Variants in MORC1 observed in about 807,000 individuals in gnomAD.
MORC1 encodes MORC family CW-type zinc finger protein 1.
In MORC1, 59 loss-of-function variants were observed where a neutral mutation model predicts 134.9. The ratio of observed to expected loss-of-function variants is 0.44; its 90% confidence interval spans 0.35 to 0.54. The LOEUF (loss-of-function observed/expected upper bound fraction) is 0.54. Ranked by LOEUF, MORC1 falls within the 20% of genes least tolerant of loss-of-function variation. The pLI, the probability that MORC1 is intolerant of heterozygous loss-of-function variation, is 0.00. For synonymous variants in MORC1, 395 were observed against 391.7 expected (o/e 1.01, Z -0.10); for missense variants, 947 against 1,134.5 (o/e 0.83, Z 2.37).
At chr3:109,115,881 A>G (rs1372134326) in intron 1 of MORC1, among the ~76,000 whole-genome samples, 1 of 152,216 alleles carries the variant, frequency 6.6e-6, no homozygotes, top group African/African-American at 2.4e-5. Flanking sequence ...GATGGGAAAG[A>G]GTAACTGGTG....
chr3:109,006,727 T>C (rs543499403), intron 18 of MORC1, among the ~76,000 whole-genome samples: 6 of 152,046 alleles, frequency 3.9e-5, no homozygotes, highest in East Asian at 1.9e-4. Flanking sequence ...TTCACATCCA[T>C]AGACAAAAAA....
intron 14 of MORC1, among the ~76,000 whole-genome samples, chr3:109,045,197 G>T (rs1949665025): frequency 6.6e-6 from 1 of 152,094 alleles, no homozygotes; most frequent in African/African-American, 2.4e-5. Flanking sequence ...ACTTTCAGGT[G>T]GTTCTGCATC....
In MORC1 at chr3:108,979,581, G is replaced by C. The variant is rs762537920; in HGVS notation, c.2411C>G (p.Ser804Cys). The change falls in exon 24 of 28, where the codon TCT (serine) becomes TGT (cysteine). Residue 804 changes from serine to cysteine, a missense_variant. Transcript: ENST00000232603. ...VSVSGSCKVASSPASSQSTPV... is the reference protein window; with the variant it reads ...VSVSGSCKVACSPASSQSTPV... ...TGTGCTTTGAGAAGACGCTGGCGAA[G>C]AAGCAACTTTACAACTGCCACTCAC... 5 of 1,614,066 alleles carry C rather than the reference G, an allele frequency of 3.1e-6. No homozygotes were observed. In the Admixed American group the frequency reaches 8.3e-5, roughly 27 times the overall value.
chr3:109,021,634 G>A (rs554918427), intron 17 of MORC1, among the ~76,000 whole-genome samples: 17 of 152,210 alleles, frequency 1.1e-4, no homozygotes, highest in Non-Finnish European at 2.4e-4. Flanking sequence ...GAAGCCAGGA[G>A]CTGAGAATAT....
In MORC1 at chr3:109,040,468, GAAA is replaced by G. The variant is rs1559912731; in HGVS notation, c.1331-5003_1331-5001del. On this transcript the variant is annotated intron_variant, in intron 14 of 27. Coordinates refer to ENST00000232603, the MANE Select transcript of MORC1 (RefSeq NM_014429.4). The stretch of plus-strand genomic sequence containing the variant: ...AGAAAGAAAGAAAGAAAGAAAGAAA[GAAA>G]GAAAGAAAGAAAGAAAGGAAAGAAA... Among the ~76,000 whole-genome samples the G allele has an allele frequency of 1.1e-4, 16 of 143,728 alleles. 2 individuals carry two copies. Among genetic ancestry groups the G allele is most frequent in the African/African-American group, 3.9e-4 (15 of 38,730 alleles). 94.3% of individuals were successfully genotyped at this position (143,728 alleles called of 152,430 possible).
chr3:108,991,414 G>A (rs928206161), intron 21 of MORC1, among the ~76,000 whole-genome samples: 9 of 152,128 alleles, frequency 5.9e-5, no homozygotes, highest in African/African-American at 2.2e-4. Flanking sequence ...TGAGAAAGGA[G>A]GAGAGAAATT....
intron 17 of MORC1, among the ~76,000 whole-genome samples, chr3:109,018,047 C>T (rs1477893501): frequency 6.6e-6 from 1 of 152,110 alleles, no homozygotes; most frequent in Non-Finnish European, 1.5e-5. Context: ...TTCCAAAGCA[C>T]CAGACCAAGA....
At chr3:108,981,076 C>T (rs1947704614) in intron 23 of MORC1, among the ~76,000 whole-genome samples, 1 of 151,954 alleles carries the variant, frequency 6.6e-6, no homozygotes, top group Non-Finnish European at 1.5e-5. Flanking sequence ...GTTGATGAGA[C>T]TAAAGCTTTC....
At position 109,032,776 on chromosome 3, in the gene MORC1, T is replaced by C; in HGVS notation, c.1509A>G (p.Glu503=). 6.2e-7 allele frequency: 1 copy of C among 1,609,216 alleles called. No individual in the cohort carries two copies. Among genetic ancestry groups the C allele is most frequent in the Non-Finnish European group, 8.5e-7 (1 of 1,176,994 alleles). ...RVLPSSTNYQ[E]KEFFDIWICA... ...AAATCCAAATGTCAAAAAATTCTTTTTCCTGATAATTAGTAGAGGAAGGCA... is the reference window on the plus strand; with the variant it reads ...AAATCCAAATGTCAAAAAATTCTTTCTCCTGATAATTAGTAGAGGAAGGCA... The change falls in exon 16 of 28, where the codon GAA becomes GAG. Residue 503 remains glutamate (E), a synonymous_variant. Transcript: ENST00000232603.
rs80008852 is a variant in MORC1 at position 109,035,549 on chromosome 3, T to C, written c.1331-81A>G. The C allele has an allele frequency of 8.2e-3, 6,800 of 831,544 alleles. 312 individuals are homozygous for C. In the African/African-American group the frequency reaches 0.1, roughly 13 times the overall value. The allele number at this position is 831,544 out of a possible 1,614,324, so 51.5% of individuals were successfully genotyped here. A position where few individuals can be genotyped will look rare whatever the true frequency, so the allele number is the denominator to read the frequency against. The stretch of plus-strand genomic sequence containing the variant: ...CAATTGGCAAAGGGAAGTTTGTATA[T>C]ACAATATGATCTCAACTGTGTAAGT... On this transcript the variant is annotated intron_variant, in intron 14 of 27. Coordinates refer to ENST00000232603, the MANE Select transcript of MORC1 (RefSeq NM_014429.4).
chr3:109,027,237 G>A (rs13322246), intron 17 of MORC1, among the ~76,000 whole-genome samples: 38,246 of 152,058 alleles, frequency 0.25, 5,028 homozygotes, highest in Middle Eastern at 0.43. Flanking sequence ...TCTTACACTC[G>A]AAATTGTCAT....
At chr3:108,980,304 G>C (rs1947677157) in intron 23 of MORC1, among the ~76,000 whole-genome samples, 1 of 152,104 alleles carries the variant, frequency 6.6e-6, no homozygotes, top group Admixed American at 6.6e-5. Flanking sequence ...ACTGCCTCCA[G>C]AGGTAACAGT....
intron 3 of MORC1, among the ~76,000 whole-genome samples, chr3:109,107,351 A>T (rs746558165): frequency 2.0e-5 from 3 of 152,100 alleles, no homozygotes; most frequent in Non-Finnish European, 4.4e-5. Flanking sequence ...CAGTTACCTC[A>T]GAGATATAAG....
At chr3:109,075,139 T>C (rs1427316990) in intron 8 of MORC1, among the ~76,000 whole-genome samples, 1 of 152,136 alleles carries the variant, frequency 6.6e-6, no homozygotes, top group Non-Finnish European at 1.5e-5. Context: ...ACAATCAATA[T>C]CTCCCAGCCA....
At chr3:109,082,782 G>A (rs1177288005) in intron 8 of MORC1, among the ~76,000 whole-genome samples, 4 of 152,012 alleles carry the variant, frequency 2.6e-5, no homozygotes, top group Admixed American at 6.6e-5. Flanking sequence ...ACAAGATACA[G>A]AAAATTACCT....
chr3:109,007,890 C>T (rs998789340), intron 17 of MORC1, among the ~76,000 whole-genome samples: 8 of 152,026 alleles, frequency 5.3e-5, no homozygotes, highest in Non-Finnish European at 1.2e-4. Flanking sequence ...ACCACTGTCT[C>T]GCTTAATCTT....
In MORC1 at chr3:108,963,571, ATT is replaced by A; in HGVS notation, c.2640_2641del (p.Lys880AsnfsTer11). 3 of 1,566,028 alleles carry A rather than the reference ATT, an allele frequency of 1.9e-6. No individual in the cohort carries two copies. Among genetic ancestry groups the A allele is most frequent in the African/African-American group, 1.4e-5 (1 of 72,256 alleles). ...GATAATGGACTGCAATTTCCTCTTTATTTTTTTTTCATATTGGACCATGTAAG... is the reference window on the plus strand; with the variant it reads ...GATAATGGACTGCAATTTCCTCTTTATTTTTTTCATATTGGACCATGTAAG... On this transcript the variant is annotated frameshift_variant, in exon 27 of 28. Coordinates refer to ENST00000232603, the MANE Select transcript of MORC1 (RefSeq NM_014429.4). LOFTEE classifies it high-confidence loss of function.
intron 4 of MORC1, among the ~76,000 whole-genome samples, chr3:109,102,661 T>C (rs566067967): frequency 1.8e-4 from 28 of 152,306 alleles, no homozygotes; most frequent in South Asian, 6.2e-4. Context: ...CCGTCACTTG[T>C]CTGTGTTTCA....
At chr3:108,999,528 T>A (rs764426280) in intron 21 of MORC1, among the ~76,000 whole-genome samples, 4 of 152,188 alleles carry the variant, frequency 2.6e-5, no homozygotes, top group Non-Finnish European at 5.9e-5. Flanking sequence ...TGAAGGACAT[T>A]ATCATAAGTT....
Sources: gnomAD v4.1 joint callset for allele counts (sites outside exome capture counted in the v4.1 genomes callset) on GRCh38, gnomAD v4.1.1 for gene constraint, MANE v1.5 for transcripts, NCBI Gene and HGNC (gene_info 2026-07-23, HGNC 2026-07-21) for gene names.